The following LRPPRC variants were observed in gnomAD, a reference collection of about 807,000 sequenced individuals.
LRPPRC encodes leucine rich pentatricopeptide repeat containing.
A neutral mutation model predicts 180.3 loss-of-function variants in LRPPRC; 120 were observed. The observed-to-expected ratio is 0.67, with a 90% confidence interval of 0.57 to 0.77. The LOEUF is 0.77. Among genes scored for constraint, LRPPRC ranks in the 30% least tolerant of loss-of-function variants. The probability of loss-of-function intolerance (pLI) is 0.00; values close to 1 mark genes in which losing one functional copy is unlikely to be tolerated. For missense variants in LRPPRC, 2,012 were observed against 1,657.2 expected (o/e 1.21, Z -3.72); for synonymous variants, 723 against 600.0 (o/e 1.21, Z -3.00).
intron 2 of LRPPRC, among the ~76,000 whole-genome samples, chr2:43,981,364 T>C (rs1338247318): frequency 6.6e-6 from 1 of 151,442 alleles, no homozygotes; most frequent in African/African-American, 2.5e-5. Context: ...TTTTCTGATA[T>C]GGAATAAACA....
At chr2:43,926,044 T>A (rs1671865931) in intron 25 of LRPPRC, 83 bp from the exon 26 acceptor site, 1 of 822,938 alleles carries the variant, frequency 1.2e-6, no homozygotes, top group Non-Finnish European at 2.1e-6. Context: ...GTTTCTTTTC[T>A]TATGAATTTG....
chr2:43,947,266 A>G lies in LRPPRC; in HGVS notation c.2070T>C (p.Cys690=), dbSNP rs780281212. 5.8e-6 allele frequency: 9 copies of G among 1,554,120 alleles called. No individual in the cohort carries two copies. Among genetic ancestry groups the G allele is most frequent in the Non-Finnish European group, 8.0e-6 (9 of 1,130,132 alleles). ...TTAAAACAAATGTTACCTCTTCTGA[A>G]CAAAGCACTAATATGAGTTGCTTTA... ...DVLKQLILVL[C]SEENMQKALE... is the part of the protein sequence containing the mutation. The change falls in exon 20 of 38, where the codon TGT becomes TGC. Residue 690 remains cysteine, a synonymous_variant. Transcript: ENST00000260665.
At chr2:43,961,030 G>A (rs1673326025) in intron 12 of LRPPRC, among the ~76,000 whole-genome samples, 2 of 152,064 alleles carry the variant, frequency 1.3e-5, no homozygotes, top group African/African-American at 4.8e-5. Context: ...AACATCATTT[G>A]TTTAACAATT....
chr2:43,934,179 T>TA lies in LRPPRC; in HGVS notation c.2736+10dup, dbSNP rs777776220. 5.3e-6 allele frequency: 8 copies of TA among 1,508,562 alleles called. No individual in the cohort carries two copies. In the Admixed American group the frequency reaches 1.0e-4, roughly 19 times the overall value. 93.4% of individuals were successfully genotyped at this position (1,508,562 alleles called of 1,614,324 possible). A position where few individuals can be genotyped will look rare whatever the true frequency, so the allele number is the denominator to read the frequency against. ...AGCTCTACAATTAGAACACTGTAGT[T>TA]AAAATCACACCTCAATGATCTTCTT... On this transcript the variant is annotated intron_variant, in intron 25 of 37. Transcript: ENST00000260665.
intron 1 of LRPPRC, among the ~76,000 whole-genome samples, chr2:43,982,888 A>G (rs548268831): frequency 3.3e-5 from 5 of 152,178 alleles, no homozygotes; most frequent in African/African-American, 9.6e-5. Flanking sequence ...TAAGCTTACT[A>G]TGAATTTAAA....
chr2:43,967,560 G>A (rs1673616613), intron 11 of LRPPRC, among the ~76,000 whole-genome samples: 1 of 152,150 alleles, frequency 6.6e-6, no homozygotes, highest in Non-Finnish European at 1.5e-5. Flanking sequence ...CAGGCATGGT[G>A]GCAGGCGCCT....
intron 34 of LRPPRC, among the ~76,000 whole-genome samples, chr2:43,897,481 T>C (rs530783480): frequency 7.2e-5 from 11 of 152,276 alleles, no homozygotes; most frequent in South Asian, 6.2e-4. Flanking sequence ...AAAGAACTTT[T>C]TGGGGCCACA....
chr2:43,975,115 C>T lies in LRPPRC; in HGVS notation c.840G>A (p.Lys280=). Residue 280 remains lysine, a synonymous_variant, in exon 7 of 38, where the codon AAG becomes AAA. Coordinates refer to ENST00000260665, the MANE Select transcript of LRPPRC (RefSeq NM_133259.4). ...CCTGCTTAACATGGTCAATGTCGCC[C>T]TTCTCAGCATATGCATTCAATAATG... ...YLALLNAYAE[K]GDIDHVKQTL... is the part of the protein sequence containing the mutation. The T allele has an allele frequency of 6.2e-7, 1 of 1,613,404 alleles. No individual in the cohort carries two copies. The highest frequency in any genetic ancestry group is 8.5e-7 in the Non-Finnish European group (1 of 1,179,836).
intron 9 of LRPPRC, 74 bp from the exon 10 acceptor site, chr2:43,973,974 C>T: frequency 1.8e-6 from 2 of 1,125,828 alleles, no homozygotes; most frequent in South Asian, 1.2e-5. Flanking sequence ...AATATTCTAC[C>T]ACTTCTGAGA....
chr2:43,988,970 A>G (rs1202844922), intron 1 of LRPPRC, among the ~76,000 whole-genome samples: 2 of 152,068 alleles, frequency 1.3e-5, no homozygotes, highest in East Asian at 3.9e-4. Context: ...CCTGGCCTCA[A>G]GCAATCCTCC....
At chr2:43,947,449 C>G (rs1672729483) in intron 19 of LRPPRC, 79 bp from the exon 20 acceptor site, 1 of 743,504 alleles carries the variant, frequency 1.3e-6, no homozygotes, top group Admixed American at 2.1e-5. Context: ...TCCCTTTAAA[C>G]TGACTTTCCT....
chr2:43,963,617 T>A lies in LRPPRC; in HGVS notation c.1459A>T (p.Ser487Cys). ...AAAATGGCTCGTGCTGAGTTTACAC[T>A]ATCAAAGCATGGAATCACATAATCT... ...YTDYVIPCFD[S>C]VNSARAILQE... Residue 487 changes from serine (S) to cysteine (C), a missense_variant, in exon 12 of 38, where the codon AGT becomes TGT. Coordinates refer to ENST00000260665, the MANE Select transcript of LRPPRC (RefSeq NM_133259.4). 2 of 1,610,044 alleles carry A rather than the reference T, an allele frequency of 1.2e-6. No individual in the cohort carries two copies. The highest frequency in any genetic ancestry group is 1.7e-6 in the Non-Finnish European group (2 of 1,176,398).
intron 12 of LRPPRC, among the ~76,000 whole-genome samples, chr2:43,962,787 T>C (rs1012097073): frequency 6.6e-6 from 1 of 152,138 alleles, no homozygotes; most frequent in Non-Finnish European, 1.5e-5. Flanking sequence ...TGAAAATTTA[T>C]GGGAAGTGAA....
intron 6 of LRPPRC, among the ~76,000 whole-genome samples, chr2:43,975,482 G>C (rs1674014499): frequency 6.6e-6 from 1 of 151,968 alleles, no homozygotes; most frequent in Non-Finnish European, 1.5e-5. Context: ...TTATGACTCA[G>C]ACTTAACTTT....
rs113731260 is a variant in LRPPRC, at chr2:43,908,094, T to C, written c.3276-2314A>G. Among the ~76,000 whole-genome samples the C allele has an allele frequency of 3.3e-5, 5 of 152,238 alleles. No homozygotes were observed. In the South Asian group the frequency reaches 8.3e-4, roughly 25 times the overall value. On this transcript the variant is annotated intron_variant, in intron 30 of 37. Transcript: ENST00000260665. ...CAACAAAAATCATCAGTGACAGATA[T>C]AGCATTATTTCCGAACAGAATGATA...
In LRPPRC at chr2:43,886,408, T is replaced by C. The variant is rs189755235; in HGVS notation, c.*2192A>G. 36 of 152,328 alleles carry C rather than the reference T, an allele frequency of 2.4e-4. No homozygotes were observed. In the East Asian group the frequency reaches 5.8e-3, roughly 24 times the overall value. 9.4% of individuals were successfully genotyped at this position (152,328 alleles called of 1,614,324 possible). A position where few individuals can be genotyped will look rare whatever the true frequency, so the allele number is the denominator to read the frequency against. ...CAGAAAGCTGCTAAATTGTTTATAT[T>C]TCTACTTATTTCAATTTAGCTATTA... On this transcript the variant is annotated 3_prime_UTR_variant, in exon 38 of 38. Transcript: ENST00000260665.
chr2:43,912,076 A>G (rs1427298736), intron 30 of LRPPRC, among the ~76,000 whole-genome samples: 1 of 152,176 alleles, frequency 6.6e-6, no homozygotes, highest in Non-Finnish European at 1.5e-5. Context: ...TTCAAAGTCC[A>G]TGGTGTCTTT....
intron 12 of LRPPRC, 22 bp downstream of exon 12, chr2:43,963,566 T>C: frequency 7.3e-7 from 1 of 1,367,580 alleles, no homozygotes; most frequent in African/African-American, 1.4e-5. Flanking sequence ...AATTATTAAA[T>C]TAAAACCACA....
At chr2:43,956,388 G>C (rs939868255) in intron 14 of LRPPRC, among the ~76,000 whole-genome samples, 1 of 152,032 alleles carries the variant, frequency 6.6e-6, no homozygotes. Context: ...TGATTTTAGA[G>C]ATGATGACTT....
Sources: allele counts gnomAD v4.1 joint callset (sites outside exome capture counted in the v4.1 genomes callset), GRCh38; gene constraint gnomAD v4.1.1; transcripts MANE v1.5; gene names NCBI Gene and HGNC (gene_info 2026-07-23, HGNC 2026-07-21).